Variants in MUC6 observed in about 807,000 individuals in gnomAD.
The protein encoded by MUC6 is mucin-6.
MUC6 carries 188 observed loss-of-function variants against 201.5 expected under a neutral mutation model. That is an observed-to-expected ratio of 0.93 (90% CI 0.83 to 1.05). The LOEUF (loss-of-function observed/expected upper bound fraction) is 1.05, where lower values mean the gene tolerates loss of function less well. Among genes scored for constraint, MUC6 ranks in the 50% least tolerant of loss-of-function variants. The pLI is 0.00. For synonymous variants in MUC6, 1,228 were observed against 1,389.4 expected (o/e 0.88, Z 2.58); for missense variants, 2,706 against 3,256.9 (o/e 0.83, Z 4.12).
chr11:1,027,164 G>A lies in MUC6; in HGVS notation c.2261C>T (p.Pro754Leu), dbSNP rs1265532072. The change falls in exon 18 of 33, where the codon CCG becomes CTG. Residue 754 changes from proline (P) to leucine (L), a missense_variant. Pro to Leu is a moderately conservative substitution (Grantham distance 98). Around this residue, in one of 10 missense-constraint regions of MUC6, gnomAD observed 1,850 missense variants for 1,958.3 expected, o/e 0.94. Coordinates refer to ENST00000421673, the MANE Select transcript of MUC6 (RefSeq NM_005961.3). The stretch of plus-strand genomic sequence containing the variant: ...ACCCAGGAACATCTGTGGCCGCTGC[G>A]GGCAACTCAGCCGCCCGTTGATGCA... ...CHCINGRLSC[P>L]QRPQMFLASC... is the part of the protein sequence containing the mutation. 1.9e-6 allele frequency: 3 copies of A among 1,612,524 alleles called. No homozygotes were observed. Among genetic ancestry groups the A allele is most frequent in the Non-Finnish European group, 2.5e-6 (3 of 1,179,804 alleles).
chr11:1,021,402 G>A (rs1470972303), intron 26 of MUC6, 125 bp from the exon 27 acceptor site: 19 of 529,654 alleles, frequency 3.6e-5, no homozygotes, highest in African/African-American at 1.3e-4. Flanking sequence ...ACAGAGTCTC[G>A]CTCTGTCGCC....
At chr11:1,032,509 GTGTA>G (rs570146593) in intron 2 of MUC6, among the ~76,000 whole-genome samples, 97 of 151,778 alleles carry the variant, frequency 6.4e-4, no homozygotes, top group African/African-American at 2.2e-3. Context: ...CATTCGGGGT[GTGTA>G]TGTGTGTGTT....
chr11:1,023,491 C>T lies in MUC6; in HGVS notation c.3526+18G>A. On this transcript the variant is annotated intron_variant, in intron 26 of 32. Coordinates refer to ENST00000421673, the MANE Select transcript of MUC6 (RefSeq NM_005961.3). ...GGGTCCCCCTGTGTATCTGCGTTGC[C>T]TCCCGGTCACCTGGCACCTTCGATG... The T allele has an allele frequency of 1.9e-6, 3 of 1,559,984 alleles. No homozygotes were observed. The highest frequency in any genetic ancestry group is 1.4e-5 in the African/African-American group (1 of 73,694).
At chr11:1,021,693 C>T (rs1166021868) in intron 26 of MUC6, among the ~76,000 whole-genome samples, 1 of 152,018 alleles carries the variant, frequency 6.6e-6, no homozygotes, top group African/African-American at 2.4e-5. Flanking sequence ...TCCTGCCATG[C>T]CTTCCTCAGG....
chr11:1,026,308 A>G lies in MUC6; in HGVS notation c.2546+19T>C. 6.4e-7 allele frequency: 1 copy of G among 1,561,388 alleles called. No individual in the cohort carries two copies. Among genetic ancestry groups the G allele is most frequent in the Non-Finnish European group, 8.7e-7 (1 of 1,154,458 alleles). On this transcript the variant is annotated intron_variant, in intron 20 of 32. Coordinates refer to ENST00000421673, the MANE Select transcript of MUC6 (RefSeq NM_005961.3). ...TGGCCCCAGGAGCCCAGGGCGTCTG[A>G]AGCGAGGCTTTGTCTCACCAGGTCC...
chr11:1,031,753 G>A lies in MUC6; in HGVS notation c.357-20C>T, dbSNP rs372908937. 2.7e-4 allele frequency: 411 copies of A among 1,549,886 alleles called. No individual in the cohort carries two copies. Among genetic ancestry groups the A allele is most frequent in the African/African-American group, 7.1e-4 (52 of 73,176 alleles). On this transcript the variant is annotated intron_variant, in intron 3 of 32. Coordinates refer to ENST00000421673, the MANE Select transcript of MUC6 (RefSeq NM_005961.3). ...ATGACCCTGTGGGGCAAGGGAAGTCGGTGGTCGATCCTCAGTCCTCCGGCC... is the reference window on the plus strand; with the variant it reads ...ATGACCCTGTGGGGCAAGGGAAGTCAGTGGTCGATCCTCAGTCCTCCGGCC...
chr11:1,014,970 GCAA>G (rs1389265586), intron 31 of MUC6, among the ~76,000 whole-genome samples: 1 of 152,262 alleles, frequency 6.6e-6, no homozygotes, highest in African/African-American at 2.4e-5. Context: ...TCAGCTTGCA[GCAA>G]CGAGCTGCCA....
intron 1 of MUC6, among the ~76,000 whole-genome samples, chr11:1,034,504 C>T (rs1857174547): frequency 1.3e-5 from 2 of 152,294 alleles, no homozygotes; most frequent in South Asian, 4.1e-4. Flanking sequence ...CAGGAGTGCG[C>T]AGCACACCGA....
chr11:1,016,298 G>C lies in MUC6; in HGVS notation c.6503C>G (p.Ala2168Gly). The C allele has an allele frequency of 6.2e-7, 1 of 1,612,262 alleles. No homozygotes were observed. Among genetic ancestry groups the C allele is most frequent in the Non-Finnish European group, 8.5e-7 (1 of 1,179,340 alleles). The change falls in exon 31 of 33, where the codon GCC (alanine) becomes GGC (glycine). Residue 2168 changes from alanine (A) to glycine (G), a missense_variant. Around this residue, in one of 10 missense-constraint regions of MUC6, gnomAD observed 586 missense variants for 488.0 expected, o/e 1.20. Coordinates refer to ENST00000421673, the MANE Select transcript of MUC6 (RefSeq NM_005961.3). ...SVGTSSSFVS[A>G]PVHSTTLSSG... The stretch of plus-strand genomic sequence containing the variant: ...GCTCAGGGTTGTGGAGTGCACGGGG[G>C]CGGACACGAAAGAGGAAGATGTGCC...
rs1856612447 is a variant in MUC6 at position 1,016,390 on chromosome 11, G to A, written c.6411C>T (p.Ala2137=). The A allele has an allele frequency of 1.2e-6, 2 of 1,613,188 alleles. No homozygotes were observed. The change falls in exon 31 of 33, where the codon GCC becomes GCT. Residue 2137 remains alanine (A), a synonymous_variant. Coordinates refer to ENST00000421673, the MANE Select transcript of MUC6 (RefSeq NM_005961.3). ...LSSSFSPSPS[A]PSTVSSYVPS... ...GCACATAAGAAGAAACAGTAGAGGG[G>A]GCAGAAGGACTGGGAGAAAATGAGG...
At chr11:1,026,226 C>G (rs1856955736) in intron 20 of MUC6, 85 bp from the exon 21 acceptor site, 1 of 1,516,024 alleles carries the variant, frequency 6.6e-7, no homozygotes. Flanking sequence ...GACTGCACCT[C>G]TGGACGCCCC....
chr11:1,018,633 G>C lies in MUC6; in HGVS notation c.4168C>G (p.Gln1390Glu). The C allele has an allele frequency of 6.2e-7, 1 of 1,613,298 alleles. No individual in the cohort carries two copies. The highest frequency in any genetic ancestry group is 8.5e-7 in the Non-Finnish European group (1 of 1,179,646). The change falls in exon 31 of 33, where the codon CAA becomes GAA. Residue 1390 changes from glutamine to glutamate, a missense_variant. Physicochemically the swap from Gln to Glu is conservative, Grantham distance 29. Transcript: ENST00000421673. ...GTGTATTCAGTAGTCGTTCTTGTTTGAGTGGTCTCTGTGGCTGTGGGCCTC... is the reference window on the plus strand; with the variant it reads ...GTGTATTCAGTAGTCGTTCTTGTTTCAGTGGTCTCTGTGGCTGTGGGCCTC... ...PTRPTATETT[Q>E]TRTTTEYTTP...
At position 1,023,642 on chromosome 11, in the gene MUC6, G is replaced by T. The variant is rs1489917263; in HGVS notation, c.3393C>A (p.Cys1131Ter). ...CCTGCGTGTGCGTGTTGTAGAAGCC[G>T]CAGTAGATGGCTGGGAGGAAGGGAG... is the stretch of plus-strand genomic sequence containing the variant. ...WRTPAFCPIY[C>*]GFYNTHTQDG... The change falls in exon 26 of 33, where the codon TGC becomes TGA. Residue 1131 changes from cysteine (C) to a stop codon, truncating the protein, a stop_gained. Transcript: ENST00000421673. LOFTEE classifies it high-confidence loss of function. The T allele has an allele frequency of 2.5e-6, 4 of 1,612,232 alleles. No individual in the cohort carries two copies. The highest frequency in any genetic ancestry group is 1.1e-5 in the South Asian group (1 of 90,976).
Position 1,017,182 on chromosome 11 carries a change from T to A in MUC6, c.5619A>T (p.Pro1873=), listed in dbSNP as rs748316296. The A allele has an allele frequency of 6.2e-7, 1 of 1,613,532 alleles. No individual in the cohort carries two copies. The highest frequency in any genetic ancestry group is 8.5e-7 in the Non-Finnish European group (1 of 1,179,392). ...MATSASIHSM[P]TGTIPPPTTI... Reference sequence around the variant, plus strand: ...TGGTCGGTGGAGGAATGGTGCCTGTTGGCATTGAGTGGATGGAGGCAGAAG... The same window carrying A: ...TGGTCGGTGGAGGAATGGTGCCTGTAGGCATTGAGTGGATGGAGGCAGAAG... The change falls in exon 31 of 33, where the codon CCA becomes CCT. Residue 1873 remains proline (P), a synonymous_variant. Coordinates refer to ENST00000421673, the MANE Select transcript of MUC6 (RefSeq NM_005961.3).
At chr11:1,036,548 C>T in intron 1 of MUC6, 56 bp downstream of exon 1, 1 of 1,538,112 alleles carries the variant, frequency 6.5e-7, no homozygotes, top group Non-Finnish European at 8.8e-7. Context: ...GAGACCCCCG[C>T]ACACAGGGCC....
In MUC6 at chr11:1,027,429, C is replaced by G; in HGVS notation, c.2070G>C (p.Glu690Asp). 1 of 1,612,770 alleles carries G rather than the reference C, an allele frequency of 6.2e-7. No individual in the cohort carries two copies. Among genetic ancestry groups the G allele is most frequent in the Non-Finnish European group, 8.5e-7 (1 of 1,179,822 alleles). The change falls in exon 17 of 33, where the codon GAG (glutamate) becomes GAC (aspartate). Residue 690 changes from glutamate (E) to aspartate (D), a missense_variant. Around this residue, in one of 10 missense-constraint regions of MUC6, gnomAD observed 1,850 missense variants for 1,958.3 expected, o/e 0.94. Transcript: ENST00000421673. ...CCACGGGCACGGCGCTGTGGTGGCA[C>G]TCGGTGGCACGGTCCGACAGCGACA... The part of the protein sequence containing the change: ...TCLSLSDRAT[E>D]CHHSAVPVDG...
chr11:1,018,587 G>T lies in MUC6; in HGVS notation c.4214C>A (p.Thr1405Asn). 1 of 1,613,624 alleles carries T rather than the reference G, an allele frequency of 6.2e-7. No individual in the cohort carries two copies. Among genetic ancestry groups the T allele is most frequent in the Non-Finnish European group, 8.5e-7 (1 of 1,179,732 alleles). ...CCCCGCCGTAGGCGGGGAGTGTGTG[G>T]TGTGTGGGGTTTGGGGCGTTGTGTA... ...TEYTTPQTPH[T>N]THSPPTAGSP... is the part of the protein sequence containing the mutation. The change falls in exon 31 of 33, where the codon ACC becomes AAC. Residue 1405 changes from threonine (T) to asparagine (N), a missense_variant. Physicochemically the swap from Thr to Asn is moderately conservative, Grantham distance 65. Coordinates refer to ENST00000421673, the MANE Select transcript of MUC6 (RefSeq NM_005961.3).
At chr11:1,021,710 T>C (rs1431772732) in intron 26 of MUC6, among the ~76,000 whole-genome samples, 4 of 151,844 alleles carry the variant, frequency 2.6e-5, no homozygotes, top group Non-Finnish European at 5.9e-5. Flanking sequence ...CAGGCCTTGG[T>C]CTCTCATACC....
In MUC6 at chr11:1,015,971, G is replaced by A; in HGVS notation, c.6830C>T (p.Thr2277Ile). ...AAAGCCTGATGTGGGAACTCGGGTG[G>A]TGAGAGAAGTGGACCGCGAGGTGGT... is the stretch of plus-strand genomic sequence containing the variant. ...QSTTSRSTSL[T>I]TRVPTSGFVS... Residue 2277 changes from threonine (T) to isoleucine (I), a missense_variant, in exon 31 of 33, where the codon ACC becomes ATC. Coordinates refer to ENST00000421673, the MANE Select transcript of MUC6 (RefSeq NM_005961.3). 1 of 1,594,110 alleles carries A rather than the reference G, an allele frequency of 6.3e-7. No individual in the cohort carries two copies. The highest frequency in any genetic ancestry group is 8.6e-7 in the Non-Finnish European group (1 of 1,167,362).
Sources: gnomAD v4.1 joint callset for allele counts (sites outside exome capture counted in the v4.1 genomes callset) on GRCh38, gnomAD v4.1.1 for gene constraint, gnomAD v4.1.1 regional missense constraint, MANE v1.5 for transcripts, NCBI Gene and HGNC (gene_info 2026-07-23, HGNC 2026-07-21) for gene names.